Variants in DNAH11 observed in about 807,000 individuals in gnomAD.
DNAH11 encodes axonemal beta dynein heavy chain 11.
In DNAH11, 442 loss-of-function variants were observed where a neutral mutation model predicts 526.0. The ratio of observed to expected loss-of-function variants is 0.84; its 90% CI spans 0.78 to 0.91. DNAH11 has a LOEUF of 0.91. DNAH11 is among the 40% of genes least tolerant of loss of function. The probability of loss-of-function intolerance (pLI) is 0.00; values close to 1 mark genes in which losing one functional copy is unlikely to be tolerated. For missense variants in DNAH11, 6,989 were observed against 5,448.7 expected, an observed-to-expected ratio of 1.28 and a Z score of -8.90; for synonymous variants, 2,461 against 1,935.9, an observed-to-expected ratio of 1.27 and a Z score of -7.12.
At chr7:21,720,623 A>T (rs1784838420) in intron 43 of DNAH11, 102 bp from the exon 44 acceptor site, 4 of 1,297,674 alleles carry the variant, frequency 3.1e-6, no homozygotes, top group Non-Finnish European at 4.1e-6. Flanking sequence ...GCTGGGAAAA[A>T]CTATGTACTC....
chr7:21,813,867 C>G (rs1331097087), intron 63 of DNAH11, among the ~76,000 whole-genome samples: 2 of 152,168 alleles, frequency 1.3e-5, no homozygotes, highest in Non-Finnish European at 2.9e-5. Context: ...ATTTTCCTTG[C>G]TGCAGACTCC....
chr7:21,693,742 A>G (rs907934644), intron 35 of DNAH11, among the ~76,000 whole-genome samples: 2 of 152,140 alleles, frequency 1.3e-5, no homozygotes, highest in African/African-American at 4.8e-5. Flanking sequence ...ATCCATTGGC[A>G]CACACTGGTT....
At chr7:21,554,013 A>G (rs1783122828) in intron 2 of DNAH11, among the ~76,000 whole-genome samples, 2 of 152,080 alleles carry the variant, frequency 1.3e-5, no homozygotes, top group Non-Finnish European at 2.9e-5. Context: ...TTTCTTAACT[A>G]GTCTCTGACC....
intron 69 of DNAH11, among the ~76,000 whole-genome samples, chr7:21,862,772 CTT>C (rs1783114549): frequency 6.6e-6 from 1 of 152,086 alleles, no homozygotes; most frequent in South Asian, 2.1e-4. Flanking sequence ...CTATGAAAGA[CTT>C]TGTTTAAATA....
At chr7:21,673,394 A>G (rs1782722757) in intron 30 of DNAH11, among the ~76,000 whole-genome samples, 1 of 152,232 alleles carries the variant, frequency 6.6e-6, no homozygotes, top group Admixed American at 6.5e-5. Context: ...ACACATACAC[A>G]GTACACATGT....
chr7:21,851,820 G>A (rs1455534936), intron 66 of DNAH11, among the ~76,000 whole-genome samples: 1 of 152,112 alleles, frequency 6.6e-6, no homozygotes, highest in Middle Eastern at 3.2e-3. Context: ...AATTGTTGAT[G>A]AGTTTTTTTC....
rs199503763 is a variant in DNAH11 at position 21,870,692 on chromosome 7, T to TTGC, written c.11967+1702_11967+1704dup. On this transcript the variant is annotated intron_variant, in intron 73 of 81. Transcript: ENST00000409508. ...TTTTGTATCTGTGCTGAGCTATTTGTTGCCCCTAAAATTGCAAGTTGTAAA... is the reference window on the plus strand; with the variant it reads ...TTTTGTATCTGTGCTGAGCTATTTGTTGCTGCCCCTAAAATTGCAAGTTGTAAA... 7.2e-3 allele frequency among the ~76,000 whole-genome samples: 1,097 copies of TTGC among 152,342 alleles called. 10 individuals are homozygous for TTGC. Among genetic ancestry groups the TTGC allele is most frequent in the African/African-American group, 0.025 (1,037 of 41,570 alleles).
chr7:21,638,581 G>C (rs1786973465), intron 27 of DNAH11, among the ~76,000 whole-genome samples: 1 of 152,190 alleles, frequency 6.6e-6, no homozygotes, highest in African/African-American at 2.4e-5. Flanking sequence ...TTTGCTCTCA[G>C]GTTGAAGGAT....
chr7:21,858,725 G>A (rs544948355), intron 68 of DNAH11, among the ~76,000 whole-genome samples: 1 of 152,172 alleles, frequency 6.6e-6, no homozygotes, highest in Non-Finnish European at 1.5e-5. Context: ...ATGGTGGTGG[G>A]AATAGGCTGT....
At chr7:21,803,583 AC>A in intron 62 of DNAH11, among the ~76,000 whole-genome samples, 1 of 139,198 alleles carries the variant, frequency 7.2e-6, no homozygotes, top group Non-Finnish European at 1.5e-5. Context: ...TGCTAACTCC[AC>A]CCCACACCTC....
chr7:21,559,928 T>C, intron 4 of DNAH11, 136 bp downstream of exon 4: 1 of 754,000 alleles, frequency 1.3e-6, no homozygotes, highest in Admixed American at 3.1e-5. Context: ...TCCAGAGTTC[T>C]GTGTGTGTGG....
chr7:21,797,369 G>A (rs1053797484), intron 61 of DNAH11, among the ~76,000 whole-genome samples: 5 of 148,648 alleles, frequency 3.4e-5, no homozygotes, highest in Non-Finnish European at 2.9e-5. Context: ...ACAGGCCTGC[G>A]CCACCATGCC....
intron 63 of DNAH11, 94 bp from the exon 64 acceptor site, chr7:21,816,373 G>A: frequency 1.0e-6 from 1 of 967,026 alleles, no homozygotes; most frequent in South Asian, 1.6e-5. Flanking sequence ...GTTTACCTAG[G>A]GTTACTTTCT....
rs966939335 is a variant in DNAH11 at position 21,711,917 on chromosome 7, T to C, written c.6983+57T>C. On this transcript the variant is annotated intron_variant, in intron 42 of 81. Coordinates refer to ENST00000409508, the MANE Select transcript of DNAH11 (RefSeq NM_001277115.2). ...ATTGTATGTAACATAACATTTACCATTTTCATAATTTTTGCTTAAGCACAT... is the reference window on the plus strand; with the variant it reads ...ATTGTATGTAACATAACATTTACCACTTTCATAATTTTTGCTTAAGCACAT... 5.2e-6 allele frequency: 8 copies of C among 1,541,458 alleles called. No homozygotes were observed. The African/African-American group carries it at 9.6e-5, about 19-fold the overall frequency.
chr7:21,753,618 A>C (rs1786505336), intron 54 of DNAH11, among the ~76,000 whole-genome samples: 1 of 152,232 alleles, frequency 6.6e-6, no homozygotes, highest in Non-Finnish European at 1.5e-5. Context: ...TACCATCTTT[A>C]GTGTATGTCC....
Position 21,741,990 on chromosome 7 carries a change from C to CA in DNAH11, c.7981dup (p.Ile2661AsnfsTer3). On this transcript the variant is annotated frameshift_variant, in exon 49 of 82. Coordinates refer to ENST00000409508, the MANE Select transcript of DNAH11 (RefSeq NM_001277115.2). LOFTEE classifies it high-confidence loss of function. Reference sequence around the variant, plus strand: ...GGATGCACTAAACACCATCTATGGCCAAATCTTTAGCTTCCATTTCCAACA... The same window carrying CA: ...GGATGCACTAAACACCATCTATGGCCAAAATCTTTAGCTTCCATTTCCAACA... 1 of 1,613,908 alleles carries CA rather than the reference C, an allele frequency of 6.2e-7. No homozygotes were observed. Among genetic ancestry groups the CA allele is most frequent in the Non-Finnish European group, 8.5e-7 (1 of 1,179,866 alleles).
chr7:21,826,314 G>A (rs931115198), intron 65 of DNAH11, among the ~76,000 whole-genome samples: 8 of 151,952 alleles, frequency 5.3e-5, no homozygotes, highest in Non-Finnish European at 7.4e-5. Context: ...AAACTAAAAA[G>A]TATTCATACA....
intron 51 of DNAH11, among the ~76,000 whole-genome samples, chr7:21,747,191 G>C (rs1188307638): frequency 2.6e-5 from 4 of 152,194 alleles, no homozygotes; most frequent in Non-Finnish European, 2.9e-5. Context: ...TCTCATGTCA[G>C]AGTAATTTTA....
intron 8 of DNAH11, among the ~76,000 whole-genome samples, chr7:21,578,252 T>G (rs1264274660): frequency 1.3e-5 from 2 of 152,244 alleles, no homozygotes; most frequent in Non-Finnish European, 2.9e-5. Context: ...GTACACGTAT[T>G]GGGTAAATAT....
Sources: gnomAD v4.1 joint callset for allele counts (sites outside exome capture counted in the v4.1 genomes callset) on GRCh38, gnomAD v4.1.1 for gene constraint, MANE v1.5 for transcripts, NCBI Gene and HGNC (gene_info 2026-07-23, HGNC 2026-07-21) for gene names.